The following RIPOR2 variants were observed in gnomAD, a reference collection of about 807,000 sequenced individuals.
RIPOR2 encodes rho family-interacting cell polarization regulator 2.
RIPOR2 carries 39 observed loss-of-function variants against 114.5 expected under a neutral mutation model. That is an observed-to-expected ratio of 0.34 (90% confidence interval 0.26 to 0.44). The LOEUF (loss-of-function observed/expected upper bound fraction) is 0.44, where lower values mean the gene tolerates loss of function less well. RIPOR2 is among the 20% of genes least tolerant of loss of function. RIPOR2 has a pLI of 1.00. For missense variants in RIPOR2, 1,007 were observed against 1,255.1 expected, an observed-to-expected ratio of 0.80 and a Z score of 2.99; for synonymous variants, 445 against 484.4, an observed-to-expected ratio of 0.92 and a Z score of 1.07.
intron 1 of RIPOR2, among the ~76,000 whole-genome samples, chr6:24,977,857 T>C (rs1354990500): frequency 2.0e-5 from 3 of 152,172 alleles, no homozygotes; most frequent in African/African-American, 4.8e-5. Flanking sequence ...CCTACCTCCA[T>C]GTATTCATCT....
chr6:24,827,468 C>G (rs566756918), intron 18 of RIPOR2, among the ~76,000 whole-genome samples: 1 of 152,336 alleles, frequency 6.6e-6, no homozygotes, highest in East Asian at 1.9e-4. Context: ...TCCTCTTGTC[C>G]CTTTTAACCT....
At chr6:24,809,043 A>G (rs1014708594) in intron 21 of RIPOR2, among the ~76,000 whole-genome samples, 1 of 152,146 alleles carries the variant, frequency 6.6e-6, no homozygotes, top group Non-Finnish European at 1.5e-5. Context: ...TACAGGGGTG[A>G]GCCACCAAAC....
chr6:24,996,671 G>A (rs1239598708), intron 1 of RIPOR2, among the ~76,000 whole-genome samples: 1 of 152,206 alleles, frequency 6.6e-6, no homozygotes, highest in African/African-American at 2.4e-5. Context: ...ACACCCAGGT[G>A]AGAGGCTTCT....
intron 1 of RIPOR2, among the ~76,000 whole-genome samples, chr6:25,019,856 T>A (rs1776233234): frequency 1.3e-5 from 2 of 150,058 alleles, no homozygotes; most frequent in Admixed American, 1.3e-4. Flanking sequence ...GATAATATAC[T>A]GTAGCTACCA....
rs78929084 is a variant in RIPOR2, at chr6:25,012,549, G to A, written c.76+29302C>T. Among the ~76,000 whole-genome samples, 1,035 of 152,272 alleles carry A rather than the reference G, an allele frequency of 6.8e-3. 7 individuals carry two copies. Among genetic ancestry groups the A allele is most frequent in the Non-Finnish European group, 0.012 (802 of 68,012 alleles). On this transcript the variant is annotated intron_variant, in intron 1 of 13. Transcript: ENST00000510784. ...ATGGAATATAATTTGTCTATAAAAAGGATGAAAGTACTGATGCATGCTACA... is the reference window on the plus strand; with the variant it reads ...ATGGAATATAATTTGTCTATAAAAAAGATGAAAGTACTGATGCATGCTACA...
chr6:25,035,365 A>T (rs896873471), intron 1 of RIPOR2, among the ~76,000 whole-genome samples: 7 of 152,180 alleles, frequency 4.6e-5, no homozygotes, highest in Non-Finnish European at 8.8e-5. Flanking sequence ...AAGAAACAGA[A>T]ACCAAGAGAG....
At chr6:24,850,927 G>C (rs368649095) in intron 9 of RIPOR2, among the ~76,000 whole-genome samples, 2 of 149,020 alleles carry the variant, frequency 1.3e-5, no homozygotes, top group African/African-American at 2.5e-5. Context: ...TTGGAGTCTC[G>C]CTCTGTCACT....
intron 1 of RIPOR2, among the ~76,000 whole-genome samples, chr6:24,894,608 T>A (rs1172212565): frequency 6.6e-6 from 1 of 152,182 alleles, no homozygotes; most frequent in Non-Finnish European, 1.5e-5. Flanking sequence ...ACAAATCCAA[T>A]TCAGTGCTCA....
chr6:24,956,466 C>T (rs776188547), intron 1 of RIPOR2, among the ~76,000 whole-genome samples: 6 of 152,082 alleles, frequency 3.9e-5, no homozygotes, highest in Non-Finnish European at 5.9e-5. Flanking sequence ...GATGAGCTGA[C>T]ATAATTTTTA....
intron 9 of RIPOR2, 26 bp from the exon 10 acceptor site, chr6:24,850,748 T>C: frequency 6.2e-7 from 1 of 1,612,722 alleles, no homozygotes; most frequent in South Asian, 1.1e-5. Flanking sequence ...CCAAGGGCCT[T>C]CATGTCTTGC....
intron 7 of RIPOR2, among the ~76,000 whole-genome samples, chr6:24,864,057 T>C (rs944065999): frequency 1.3e-5 from 2 of 152,230 alleles, no homozygotes; most frequent in Non-Finnish European, 2.9e-5. Flanking sequence ...ATCCCAGCAC[T>C]TTGGGAGGCA....
upstream of RIPOR2, among the ~76,000 whole-genome samples, chr6:24,939,977 A>G (rs1772033949): frequency 6.6e-6 from 1 of 152,168 alleles, no homozygotes; most frequent in Admixed American, 6.6e-5. Context: ...AATGATATGA[A>G]AGGTCTGGTC....
chr6:24,966,595 C>G (rs533937534), intron 1 of RIPOR2, among the ~76,000 whole-genome samples: 12 of 152,204 alleles, frequency 7.9e-5, no homozygotes, highest in Admixed American at 2.6e-4. Flanking sequence ...GATATGCAAC[C>G]AGGAGGTTTT....
intron 1 of RIPOR2, among the ~76,000 whole-genome samples, chr6:24,905,781 C>T (rs73731433): frequency 1.5e-4 from 23 of 152,320 alleles, no homozygotes; most frequent in African/African-American, 5.5e-4. Flanking sequence ...GTGCTTTTAG[C>T]GTTTCTCTGC....
At chr6:25,034,178 TTCTC>T (rs910172050) in intron 1 of RIPOR2, among the ~76,000 whole-genome samples, 4 of 152,000 alleles carry the variant, frequency 2.6e-5, no homozygotes, top group South Asian at 2.1e-4. Context: ...CTAGATGACT[TTCTC>T]TCTGTTGTAT....
intron 1 of RIPOR2, among the ~76,000 whole-genome samples, chr6:24,919,695 C>A (rs1376194154): frequency 6.6e-6 from 1 of 152,102 alleles, no homozygotes; most frequent in Non-Finnish European, 1.5e-5. Context: ...GAGGATAAGC[C>A]CTGTACATCT....
In RIPOR2 at chr6:24,806,274, G is replaced by C. The variant is rs574364397; in HGVS notation, c.*99C>G. On this transcript the variant is annotated 3_prime_UTR_variant, in exon 22 of 22. Transcript: ENST00000643898. ...GGCCTACATTTTTATTTCAGTTGTC[G>C]TGTCTCTCAGGCTCTAAACAATTTC... 2.4e-6 allele frequency: 2 copies of C among 818,050 alleles called. No homozygotes were observed. Among genetic ancestry groups the C allele is most frequent in the Non-Finnish European group, 4.0e-6 (2 of 499,834 alleles). 50.7% of individuals were successfully genotyped at this position (818,050 alleles called of 1,614,324 possible).
intron 1 of RIPOR2, among the ~76,000 whole-genome samples, chr6:25,007,571 TC>T (rs1775608165): frequency 6.6e-6 from 1 of 152,174 alleles, no homozygotes; most frequent in South Asian, 2.1e-4. Context: ...GCAATTATTA[TC>T]TTTATAATTG....
At chr6:24,921,403 A>G (rs984781253) in intron 1 of RIPOR2, among the ~76,000 whole-genome samples, 4 of 151,216 alleles carry the variant, frequency 2.6e-5, no homozygotes, top group African/African-American at 9.8e-5. Flanking sequence ...ATCTCAAGTG[A>G]TCCTCCAACC....
Sources: gnomAD v4.1 joint callset for allele counts (sites outside exome capture counted in the v4.1 genomes callset) on GRCh38, gnomAD v4.1.1 for gene constraint, MANE v1.5 for transcripts, NCBI Gene and HGNC (gene_info 2026-07-23, HGNC 2026-07-21) for gene names.